The following CRBN variants were observed in gnomAD, a reference collection of about 807,000 sequenced individuals.
The protein encoded by CRBN is protein cereblon.
Under a neutral mutation model 62.2 loss-of-function variants are expected in CRBN, and 53 were observed. The observed-to-expected ratio is 0.85, with a 90% confidence interval of 0.68 to 1.07. The LOEUF is 1.07. Among genes scored for constraint, CRBN ranks in the 50% least tolerant of loss-of-function variants. CRBN has a pLI of 0.00. For synonymous variants in CRBN, 208 were observed against 176.1 expected, an observed-to-expected ratio of 1.18 and a Z score of -1.43; for missense variants, 616 against 531.1, an observed-to-expected ratio of 1.16 and a Z score of -1.57.
chr3:3,163,167 C>A (rs551366624), intron 5 of CRBN, among the ~76,000 whole-genome samples: 2 of 152,296 alleles, frequency 1.3e-5, no homozygotes, highest in South Asian at 4.2e-4. Flanking sequence ...GCCTAGTGAT[C>A]TAGATTCCAA....
intron 8 of CRBN, 61 bp downstream of exon 8, chr3:3,153,899 G>T: frequency 9.6e-7 from 1 of 1,041,846 alleles, no homozygotes; most frequent in Non-Finnish European, 1.5e-6. Flanking sequence ...CCCCAACAGA[G>T]CATCCTAGTT....
At chr3:3,160,486 A>G (rs1390352009) in intron 5 of CRBN, among the ~76,000 whole-genome samples, 1 of 152,262 alleles carries the variant, frequency 6.6e-6, no homozygotes, top group South Asian at 2.1e-4. Context: ...CCTGAGGCTT[A>G]TACGCTAATG....
Position 3,152,710 on chromosome 3 carries a change from A to AGTT in CRBN, c.1017-126_1017-124dup, listed in dbSNP as rs1161798024. The AGTT allele has an allele frequency of 4.3e-5, 50 of 1,149,956 alleles. 1 individual carries two copies. The highest frequency in any genetic ancestry group is 3.1e-4 in the African/African-American group (20 of 64,902). 71.2% of individuals were successfully genotyped at this position (1,149,956 alleles called of 1,614,324 possible). A position where few individuals can be genotyped will look rare whatever the true frequency, so the allele number is the denominator to read the frequency against. ...TGAGCTATACAGTTTTTAATCCTTC[A>AGTT]GTTTTATATAATACCAGGATCTTAG... is the stretch of plus-strand genomic sequence containing the variant. On this transcript the variant is annotated intron_variant, in intron 9 of 10. Transcript: ENST00000231948.
At chr3:3,167,611 T>C (rs750434066) in intron 5 of CRBN, 23 bp downstream of exon 5, 1 of 1,607,700 alleles carries the variant, frequency 6.2e-7, no homozygotes, top group South Asian at 1.1e-5. Flanking sequence ...TTTTTGAAGA[T>C]GCATAAAAAA....
chr3:3,166,257 T>A (rs1707327285), intron 5 of CRBN, among the ~76,000 whole-genome samples: 1 of 152,138 alleles, frequency 6.6e-6, no homozygotes, highest in Non-Finnish European at 1.5e-5. Context: ...TCTCATGAGA[T>A]CTGATGGTTT....
chr3:3,175,593 A>G (rs1382710864), intron 1 of CRBN, among the ~76,000 whole-genome samples: 1 of 152,228 alleles, frequency 6.6e-6, no homozygotes, highest in African/African-American at 2.4e-5. Context: ...ACAACGAAGG[A>G]ATCAGTCTTG....
In CRBN at chr3:3,152,603, A is replaced by G. The variant is rs747523113; in HGVS notation, c.1017-16T>C. 2 of 1,614,058 alleles carry G rather than the reference A, an allele frequency of 1.2e-6. No homozygotes were observed. The highest frequency in any genetic ancestry group is 3.3e-5 in the Admixed American group (2 of 59,984). ...TAAGGATAAACTAAAACAAAGAATC[A>G]ACATGGAGAACACGTCAAAACGAGA... On this transcript the variant is annotated splice_polypyrimidine_tract_variant and intron_variant, in intron 9 of 10. Transcript: ENST00000231948.
chr3:3,170,828 G>A (rs1157063874), intron 4 of CRBN, among the ~76,000 whole-genome samples: 1 of 152,096 alleles, frequency 6.6e-6, no homozygotes, highest in Non-Finnish European at 1.5e-5. Context: ...CCTTTGAGAT[G>A]GAGTTTTCCT....
intron 1 of CRBN, among the ~76,000 whole-genome samples, chr3:3,177,243 C>T (rs1182756328): frequency 6.6e-6 from 1 of 152,152 alleles, no homozygotes. Flanking sequence ...ACTTCTAAAT[C>T]GATAAAATGT....
At chr3:3,166,541 T>C (rs1707359180) in intron 5 of CRBN, among the ~76,000 whole-genome samples, 1 of 152,176 alleles carries the variant, frequency 6.6e-6, no homozygotes, top group East Asian at 1.9e-4. Context: ...AAATACTAGT[T>C]TCAAGGTTGT....
intron 5 of CRBN, among the ~76,000 whole-genome samples, chr3:3,166,802 CATTA>C (rs1051488088): frequency 2.0e-5 from 3 of 151,896 alleles, no homozygotes; most frequent in African/African-American, 7.2e-5. Context: ...AAGTCCACTT[CATTA>C]ATTATCCATA....
Position 3,172,708 on chromosome 3 carries a change from A to G in CRBN, c.527+68T>C, listed in dbSNP as rs986234347. 44 of 1,515,240 alleles carry G rather than the reference A, an allele frequency of 2.9e-5. 1 individual carries two copies. Among genetic ancestry groups the G allele is most frequent in the Non-Finnish European group, 3.9e-5 (42 of 1,090,458 alleles). 93.9% of individuals were successfully genotyped at this position (1,515,240 alleles called of 1,614,324 possible). ...AAAATATGAAGGCTCAGTAGAACAG[A>G]AAAAGTACAAGAAAACTATTTCATT... is the stretch of plus-strand genomic sequence containing the variant. On this transcript the variant is annotated intron_variant, in intron 4 of 10. Coordinates refer to ENST00000231948, the MANE Select transcript of CRBN (RefSeq NM_016302.4).
chr3:3,158,274 G>C (rs1436648889), intron 5 of CRBN, among the ~76,000 whole-genome samples: 1 of 152,166 alleles, frequency 6.6e-6, no homozygotes, highest in East Asian at 1.9e-4. Flanking sequence ...CCACTGATCT[G>C]ATAAGAGGTG....
intron 6 of CRBN, chr3:3,155,590 T>C (rs1014720591): frequency 2.6e-5 from 4 of 153,124 alleles, no homozygotes; most frequent in Admixed American, 6.5e-5. Flanking sequence ...TCCCTTAGTT[T>C]TGCAAAATGT....
intron 5 of CRBN, among the ~76,000 whole-genome samples, chr3:3,160,484 T>G (rs1707094826): frequency 6.6e-6 from 1 of 152,238 alleles, no homozygotes; most frequent in African/African-American, 2.4e-5. Context: ...CTCCTGAGGC[T>G]TATACGCTAA....
chr3:3,167,705 G>T lies in CRBN; in HGVS notation c.616C>A (p.Gln206Lys). 1 of 1,613,492 alleles carries T rather than the reference G, an allele frequency of 6.2e-7. No homozygotes were observed. Among genetic ancestry groups the T allele is most frequent in the Non-Finnish European group, 8.5e-7 (1 of 1,179,548 alleles). ...AVQLESLNKC[Q>K]IFPSKPVSRE... ...GAGACAGGTTTTGAAGGAAATATCT[G>T]GCACTTATTGAGGGATTCTAATTGA... Residue 206 changes from glutamine to lysine, a missense_variant, in exon 5 of 11, where the codon CAG becomes AAG. Gln to Lys is a moderately conservative substitution (Grantham distance 53). Coordinates refer to ENST00000231948, the MANE Select transcript of CRBN (RefSeq NM_016302.4).
At chr3:3,162,405 G>A (rs711623) in intron 5 of CRBN, among the ~76,000 whole-genome samples, 137,768 of 152,026 alleles carry the variant, frequency 0.91, 63,537 homozygotes, top group East Asian at 1. Flanking sequence ...TGTGATGGGA[G>A]AAGAAGTAAA....
intron 5 of CRBN, 44 bp from the exon 6 acceptor site, chr3:3,156,325 A>G: frequency 9.2e-6 from 14 of 1,528,658 alleles, no homozygotes; most frequent in Non-Finnish European, 1.3e-5. Flanking sequence ...CCACAGAATA[A>G]AGATTCTAAT....
At chr3:3,168,065 TAC>T (rs1357078920) in intron 4 of CRBN, among the ~76,000 whole-genome samples, 1 of 152,102 alleles carries the variant, frequency 6.6e-6, no homozygotes, top group East Asian at 1.9e-4. Context: ...TTCAGATAAA[TAC>T]AGAGTCTATA....
Sources: allele counts gnomAD v4.1 joint callset (sites outside exome capture counted in the v4.1 genomes callset), GRCh38; gene constraint gnomAD v4.1.1; transcripts MANE v1.5; gene names NCBI Gene and HGNC (gene_info 2026-07-23, HGNC 2026-07-21).